The following ADAMTS2 variants were observed in gnomAD, a reference collection of about 807,000 sequenced individuals.
The protein encoded by ADAMTS2 is ADAM metallopeptidase with thrombospondin type 1 motif 2.
A neutral mutation model predicts 123.0 loss-of-function variants in ADAMTS2; 50 were observed. That is an observed-to-expected ratio of 0.41 (90% confidence interval 0.32 to 0.51). The LOEUF (loss-of-function observed/expected upper bound fraction) is 0.51. ADAMTS2 is among the 20% of genes least tolerant of loss of function. The pLI, the probability that ADAMTS2 is intolerant of heterozygous loss-of-function variation, is 0.35. For synonymous variants in ADAMTS2, 678 were observed against 695.4 expected, an observed-to-expected ratio of 0.98 and a Z score of 0.39; for missense variants, 1,494 against 1,705.2, an observed-to-expected ratio of 0.88 and a Z score of 2.18.
intron 2 of ADAMTS2, among the ~76,000 whole-genome samples, chr5:179,278,514 T>C (rs1766805871): frequency 6.6e-6 from 1 of 152,068 alleles, no homozygotes; most frequent in Non-Finnish European, 1.5e-5. Context: ...TTAAAGAAAC[T>C]CCAGAAGCAC....
intron 3 of ADAMTS2, among the ~76,000 whole-genome samples, chr5:179,269,620 G>C (rs1013659459): frequency 6.6e-6 from 1 of 152,188 alleles, no homozygotes; most frequent in Non-Finnish European, 1.5e-5. Context: ...GGAGCTACAA[G>C]ATGAGATTCA....
chr5:179,122,549 C>T lies in ADAMTS2; in HGVS notation c.3088+95G>A, dbSNP rs4701053. Reference sequence around the variant, plus strand: ...ACAGATGTTGAGTCCAGCTACTCTCCGGGAAGAGCCAGATTTGCCTGAACC... The same window carrying T: ...ACAGATGTTGAGTCCAGCTACTCTCTGGGAAGAGCCAGATTTGCCTGAACC... On this transcript the variant is annotated intron_variant, in intron 20 of 21. Transcript: ENST00000251582. 3.9e-3 allele frequency: 5,814 copies of T among 1,499,676 alleles called. 107 individuals carry two copies. The Admixed American group carries it at 0.057, about 15-fold the overall frequency. 92.9% of individuals were successfully genotyped at this position (1,499,676 alleles called of 1,614,324 possible).
rs1292007562 is a variant in ADAMTS2, at chr5:179,185,580, A to G, written c.892-4425T>C. Among the ~76,000 whole-genome samples, 1 of 152,074 alleles carries G rather than the reference A, an allele frequency of 6.6e-6. No individual in the cohort carries two copies. The highest frequency in any genetic ancestry group is 1.5e-5 in the Non-Finnish European group (1 of 67,982). On this transcript the variant is annotated intron_variant, in intron 4 of 21. Transcript: ENST00000251582. The surrounding 1 kb of genome is among the most constrained non-coding windows in gnomAD (Gnocchi z 5.9). ...TTGTGTCCTTCTGAACATTGAGCAGATCTAATCCTGCTCCCTGATTTGGGA... is the reference window on the plus strand; with the variant it reads ...TTGTGTCCTTCTGAACATTGAGCAGGTCTAATCCTGCTCCCTGATTTGGGA...
rs1021913734 is a variant in ADAMTS2, at chr5:179,117,899, A to G, written c.3179-3575T>C. 6.6e-6 allele frequency among the ~76,000 whole-genome samples: 1 copy of G among 152,160 alleles called. No individual in the cohort carries two copies. The highest frequency in any genetic ancestry group is 1.5e-5 in the Non-Finnish European group (1 of 68,028). ...GGCAGAGCTGAGTCCTGTGACAGAG[A>G]CCATGTGGGCTCCAATGCCCAAAAT... On this transcript the variant is annotated intron_variant, in intron 21 of 21. Transcript: ENST00000251582. This position sits in a 1 kb window ranked among gnomAD's most constrained non-coding sequence, Gnocchi z 4.2.
intron 2 of ADAMTS2, among the ~76,000 whole-genome samples, chr5:179,309,790 T>G (rs1756776296): frequency 7.1e-6 from 1 of 141,442 alleles, no homozygotes; most frequent in Non-Finnish European, 1.5e-5. Flanking sequence ...AAAAAGGCTC[T>G]GGCCCTGCCA....
At position 179,170,725 on chromosome 5, in the gene ADAMTS2, C is replaced by A. The variant is rs1025009526; in HGVS notation, c.975+10347G>T. Among the ~76,000 whole-genome samples the A allele has an allele frequency of 1.3e-5, 2 of 152,192 alleles. No individual in the cohort carries two copies. On this transcript the variant is annotated intron_variant, in intron 5 of 21. Transcript: ENST00000251582. The surrounding 1 kb of genome is among the most constrained non-coding windows in gnomAD (Gnocchi z 4.3). ...GCCTGCCACCCTGCTGTATTCCTTGCCGGTGCTCACCACTCTGTCGCTGTC... is the reference window on the plus strand; with the variant it reads ...GCCTGCCACCCTGCTGTATTCCTTGACGGTGCTCACCACTCTGTCGCTGTC...
intron 2 of ADAMTS2, among the ~76,000 whole-genome samples, chr5:179,298,475 C>A (rs892328852): frequency 1.3e-5 from 2 of 152,290 alleles, no homozygotes; most frequent in South Asian, 2.1e-4. Flanking sequence ...CACCAGACAC[C>A]AAACCCACTG....
chr5:179,221,188 CCT>C (rs1765116707), intron 3 of ADAMTS2, among the ~76,000 whole-genome samples: 1 of 152,166 alleles, frequency 6.6e-6, no homozygotes, highest in Non-Finnish European at 1.5e-5. Context: ...TCACACACCT[CCT>C]GTTTCTTCTT....
rs1006179440 is a variant in ADAMTS2, at chr5:179,256,044, C to T, written c.688+16867G>A. On this transcript the variant is annotated intron_variant, in intron 3 of 21. Coordinates refer to ENST00000251582, the MANE Select transcript of ADAMTS2 (RefSeq NM_014244.5). This position sits in a 1 kb window ranked among gnomAD's most constrained non-coding sequence, Gnocchi z 4.1. ...CACCAGTCTCCTTCTCTGTCCCCAG[C>T]CTCTCCCGCAGCTTGGCCTTGGTCC... 6.6e-6 allele frequency among the ~76,000 whole-genome samples: 1 copy of T among 152,206 alleles called. No individual in the cohort carries two copies. The highest frequency in any genetic ancestry group is 6.5e-5 in the Admixed American group (1 of 15,292).
At chr5:179,152,042 G>A (rs1454738717) in intron 10 of ADAMTS2, 100 bp downstream of exon 10, 4 of 1,086,112 alleles carry the variant, frequency 3.7e-6, no homozygotes, top group African/African-American at 3.1e-5. Flanking sequence ...CCCTGAGAGG[G>A]CCCCCACCCC....
chr5:179,281,599 A>G (rs2113529485), intron 2 of ADAMTS2, among the ~76,000 whole-genome samples: 1 of 152,318 alleles, frequency 6.6e-6, no homozygotes, highest in African/African-American at 2.4e-5. Flanking sequence ...CGGTTGATGG[A>G]CATGTGGGTT....
At position 179,117,647 on chromosome 5, in the gene ADAMTS2, G is replaced by A. The variant is rs1355847773; in HGVS notation, c.3179-3323C>T. ...GGCTCACTGCAACCTCCGCCTCCTG[G>A]GTTCAAGAGCCTCCCGAGTAGCTGG... On this transcript the variant is annotated intron_variant, in intron 21 of 21. Coordinates refer to ENST00000251582, the MANE Select transcript of ADAMTS2 (RefSeq NM_014244.5). The surrounding 1 kb of genome is among the most constrained non-coding windows in gnomAD (Gnocchi z 4.2). Among the ~76,000 whole-genome samples the A allele has an allele frequency of 6.6e-5, 10 of 151,934 alleles. No individual in the cohort carries two copies. The South Asian group carries it at 2.1e-3, about 32-fold the overall frequency.
At chr5:179,151,377 C>T (rs1383670887) in intron 10 of ADAMTS2, among the ~76,000 whole-genome samples, 1 of 152,198 alleles carries the variant, frequency 6.6e-6, no homozygotes, top group Non-Finnish European at 1.5e-5. Flanking sequence ...GGCCCAGTCC[C>T]GAGCCAAAGA....
intron 5 of ADAMTS2, among the ~76,000 whole-genome samples, chr5:179,165,854 A>G (rs79784543): frequency 0.028 from 4,205 of 152,256 alleles, 178 homozygotes; most frequent in African/African-American, 0.095. Flanking sequence ...CTGTGGATGA[A>G]GTCCAGGGGC....
At chr5:179,295,558 T>C (rs1304974833) in intron 2 of ADAMTS2, among the ~76,000 whole-genome samples, 8 of 152,152 alleles carry the variant, frequency 5.3e-5, no homozygotes, top group African/African-American at 1.9e-4. Flanking sequence ...CTCACTCTCA[T>C]AGTCCAGGTG....
At position 179,256,093 on chromosome 5, in the gene ADAMTS2, G is replaced by A. The variant is rs144467956; in HGVS notation, c.688+16818C>T. Among the ~76,000 whole-genome samples the A allele has an allele frequency of 0.013, 2,044 of 152,254 alleles. 42 individuals are homozygous for A. Among genetic ancestry groups the A allele is most frequent in the Non-Finnish European group, 0.014 (964 of 68,028 alleles). The stretch of plus-strand genomic sequence containing the variant: ...CCACCGTGGACAGCGTCTCTGACAC[G>A]GTCCTTCTTCCCACAGGGAGACCGG... On this transcript the variant is annotated intron_variant, in intron 3 of 21. Transcript: ENST00000251582. This position sits in a 1 kb window ranked among gnomAD's most constrained non-coding sequence, Gnocchi z 4.1.
At chr5:179,263,129 TCCC>T (rs142717391) in intron 3 of ADAMTS2, among the ~76,000 whole-genome samples, 5,018 of 33,536 alleles carry the variant, frequency 0.15, 161 homozygotes, top group Non-Finnish European at 0.16. Flanking sequence ...GCAGCATTAT[TCCC>T]CCATGATTTG....
chr5:179,338,071 G>A (rs1757669649), intron 2 of ADAMTS2, among the ~76,000 whole-genome samples: 1 of 152,238 alleles, frequency 6.6e-6, no homozygotes, highest in South Asian at 2.1e-4. Context: ...ACCTGAATGA[G>A]CACATGGCCG....
intron 2 of ADAMTS2, among the ~76,000 whole-genome samples, chr5:179,323,824 A>C (rs1419736579): frequency 1.3e-5 from 2 of 152,264 alleles, no homozygotes; most frequent in Non-Finnish European, 2.9e-5. Context: ...AATTAAAAGC[A>C]CACAAAAAAG....
Sources: allele counts gnomAD v4.1 joint callset (sites outside exome capture counted in the v4.1 genomes callset), GRCh38; gene constraint gnomAD v4.1.1; non-coding constraint Gnocchi (gnomAD v3.1); transcripts MANE v1.5; gene names NCBI Gene and HGNC (gene_info 2026-07-23, HGNC 2026-07-21).